Variants in OLFML2A observed in about 807,000 individuals in gnomAD.
OLFML2A encodes the protein olfactomedin-like protein 2A.
In OLFML2A, 47 loss-of-function variants were observed where a neutral mutation model predicts 60.9. The ratio of observed to expected loss-of-function variants is 0.77; its 90% CI spans 0.61 to 0.98. OLFML2A has a LOEUF of 0.98. OLFML2A is among the 50% of genes least tolerant of loss of function. OLFML2A has a pLI of 0.00. For synonymous variants in OLFML2A, 372 were observed against 375.0 expected (o/e 0.99, Z 0.09); for missense variants, 922 against 879.8 (o/e 1.05, Z -0.61).
chr9:124,795,784 C>G (rs961215338), intron 3 of OLFML2A, among the ~76,000 whole-genome samples: 4 of 152,108 alleles, frequency 2.6e-5, no homozygotes, highest in Admixed American at 2.0e-4. Context: ...AATAAGATAC[C>G]TTGTCGGAGT....
chr9:124,783,763 A>C (rs922291898), intron 1 of OLFML2A, among the ~76,000 whole-genome samples: 8 of 152,212 alleles, frequency 5.3e-5, no homozygotes, highest in African/African-American at 1.9e-4. Flanking sequence ...TGTTATGAAG[A>C]CATAGCAGGA....
At chr9:124,785,382 TTTTC>T (rs1247227813) in intron 1 of OLFML2A, among the ~76,000 whole-genome samples, 1 of 145,654 alleles carries the variant, frequency 6.9e-6, no homozygotes, top group East Asian at 2.0e-4. Context: ...TGGATACCCA[TTTTC>T]TTTCTTTTTT....
intron 1 of OLFML2A, among the ~76,000 whole-genome samples, chr9:124,782,184 GA>G (rs1489614362): frequency 6.6e-6 from 1 of 152,250 alleles, no homozygotes; most frequent in African/African-American, 2.4e-5. Flanking sequence ...TGCTCAGGGA[GA>G]AGCCCCTGCC....
rs981921540 is a variant in OLFML2A, at chr9:124,811,907, CT to C, written c.*1496del. 2.6e-5 allele frequency: 4 copies of C among 152,232 alleles called. No individual in the cohort carries two copies. The highest frequency in any genetic ancestry group is 2.6e-4 in the Admixed American group (4 of 15,284). The allele number at this position is 152,232 out of a possible 1,614,324, so 9.4% of individuals were successfully genotyped here. On this transcript the variant is annotated 3_prime_UTR_variant, in exon 8 of 8. Transcript: ENST00000373580. ...GAGCAGCTCAGTGTCACACTGGGAG[CT>C]GGGCACAGCCGATCTCCTTCCAGAA...
chr9:124,794,414 T>C (rs1841625394), intron 2 of OLFML2A, among the ~76,000 whole-genome samples: 1 of 152,196 alleles, frequency 6.6e-6, no homozygotes, highest in South Asian at 2.1e-4. Context: ...CAGTGCCCAC[T>C]ACACACCTCA....
chr9:124,811,079 C>G lies in OLFML2A; in HGVS notation c.*667C>G, dbSNP rs772405875. 6.5e-6 allele frequency: 1 copy of G among 152,958 alleles called. No individual in the cohort carries two copies. Among genetic ancestry groups the G allele is most frequent in the Non-Finnish European group, 1.5e-5 (1 of 68,310 alleles). The allele number at this position is 152,958 out of a possible 1,614,324, so 9.5% of individuals were successfully genotyped here. A position where few individuals can be genotyped will look rare whatever the true frequency, so the allele number is the denominator to read the frequency against. On this transcript the variant is annotated 3_prime_UTR_variant, in exon 8 of 8. Transcript: ENST00000373580. Reference sequence around the variant, plus strand: ...GTCCGGCCACATTCCAAACCTCTACCGTCACCTAGCTGCTGAGCAGAAACC... The same window carrying G: ...GTCCGGCCACATTCCAAACCTCTACGGTCACCTAGCTGCTGAGCAGAAACC...
Position 124,804,257 on chromosome 9 carries a change from C to T in OLFML2A, c.1083C>T (p.Thr361=), listed in dbSNP as rs768336887. ...GCACCCCCACTTCAATCCCTGCCAC[C>T]ACCACCACCGCCACCACCACCCCAA... ...ASGTPTSIPA[T]TTTATTTPTP... is the part of the protein sequence containing the mutation. The change falls in exon 6 of 8, where the codon ACC becomes ACT. Residue 361 remains threonine, a synonymous_variant. Coordinates refer to ENST00000373580, the MANE Select transcript of OLFML2A (RefSeq NM_182487.4). The T allele has an allele frequency of 1.3e-5, 21 of 1,606,500 alleles. No homozygotes were observed. The highest frequency in any genetic ancestry group is 1.7e-5 in the Non-Finnish European group (20 of 1,177,126).
At chr9:124,801,086 G>A in intron 4 of OLFML2A, 1 of 1,546,574 alleles carries the variant, frequency 6.5e-7, no homozygotes, top group Non-Finnish European at 8.7e-7. Flanking sequence ...TGAGCAGGTG[G>A]AGGAGGCTGC....
rs1346659215 is a variant in OLFML2A at position 124,797,170 on chromosome 9, G to A, written c.462+2039G>A. Among the ~76,000 whole-genome samples the A allele has an allele frequency of 4.6e-5, 7 of 152,114 alleles. No homozygotes were observed. The East Asian group carries it at 1.2e-3, about 25-fold the overall frequency. Reference sequence around the variant, plus strand: ...AGTTTTTTGTGTTTTTTGTAGAGATGGGGCTTTACCATGTTGCTCATGCTG... The same window carrying A: ...AGTTTTTTGTGTTTTTTGTAGAGATAGGGCTTTACCATGTTGCTCATGCTG... On this transcript the variant is annotated intron_variant, in intron 3 of 7. Coordinates refer to ENST00000373580, the MANE Select transcript of OLFML2A (RefSeq NM_182487.4).
chr9:124,787,063 C>T lies in OLFML2A; in HGVS notation c.179C>T (p.Ala60Val), dbSNP rs373685229. ...KCIMRPLSKD[A>V]CSRVRSGRAR... ...ATCATGCGGCCCCTGAGCAAGGACG[C>T]GTGTAGCCGAGTGCGCAGTGGGCGG... The change falls in exon 2 of 8, where the codon GCG (alanine) becomes GTG (valine). Residue 60 changes from alanine to valine, a missense_variant. Coordinates refer to ENST00000373580, the MANE Select transcript of OLFML2A (RefSeq NM_182487.4). 9.9e-6 allele frequency: 16 copies of T among 1,613,938 alleles called. No individual in the cohort carries two copies. The Admixed American group carries it at 2.0e-4, about 20-fold the overall frequency.
At chr9:124,789,001 C>G (rs1841529115) in intron 2 of OLFML2A, among the ~76,000 whole-genome samples, 1 of 152,150 alleles carries the variant, frequency 6.6e-6, no homozygotes, top group Non-Finnish European at 1.5e-5. Flanking sequence ...CGTGCAAACA[C>G]AGTTCACTGC....
intron 1 of OLFML2A, among the ~76,000 whole-genome samples, chr9:124,783,447 C>G (rs1841399741): frequency 6.6e-6 from 1 of 152,046 alleles, no homozygotes; most frequent in African/African-American, 2.4e-5. Flanking sequence ...GGTAACAGAG[C>G]AAGACCCTGT....
At position 124,799,306 on chromosome 9, in the gene OLFML2A, C is replaced by T. The variant is rs374500892; in HGVS notation, c.484C>T (p.Arg162Trp). Residue 162 changes from arginine to tryptophan, a missense_variant, in exon 4 of 8, where the codon CGG becomes TGG. Transcript: ENST00000373580. Reference sequence around the variant, plus strand: ...GCAGAGCATCAAGGCCAACCTGAGCCGGGAGAATGAGGTGGTGAAGGACAG... The same window carrying T: ...GCAGAGCATCAAGGCCAACCTGAGCTGGGAGAATGAGGTGGTGAAGGACAG... Reference protein sequence around the residue: ...LEESIKANLSRENEVVKDSVR... With the variant: ...LEESIKANLSWENEVVKDSVR... 1.8e-5 allele frequency: 29 copies of T among 1,611,442 alleles called. No homozygotes were observed. The highest frequency in any genetic ancestry group is 3.3e-5 in the Admixed American group (2 of 59,958).
At chr9:124,785,258 A>G (rs548083063) in intron 1 of OLFML2A, among the ~76,000 whole-genome samples, 47 of 150,436 alleles carry the variant, frequency 3.1e-4, no homozygotes, top group African/African-American at 1.0e-3. Flanking sequence ...CCAGCCCTAC[A>G]TTCCTTTTTA....
chr9:124,798,322 C>T (rs1442915308), intron 3 of OLFML2A, among the ~76,000 whole-genome samples: 1 of 150,164 alleles, frequency 6.7e-6, no homozygotes, highest in Admixed American at 6.6e-5. Context: ...CCCAACATGG[C>T]GAAATCCCGT....
intron 4 of OLFML2A, among the ~76,000 whole-genome samples, chr9:124,800,073 G>C (rs1331391139): frequency 6.6e-6 from 1 of 152,242 alleles, no homozygotes; most frequent in Non-Finnish European, 1.5e-5. Context: ...ACACCTGCGT[G>C]CAAATGTGAT....
At chr9:124,808,824 T>G in intron 7 of OLFML2A, among the ~76,000 whole-genome samples, 1 of 149,718 alleles carries the variant, frequency 6.7e-6, no homozygotes, top group African/African-American at 2.5e-5. Context: ...GATAAAGGAG[T>G]TTGGACTTAA....
chr9:124,778,616 G>A (rs1485097525), intron 1 of OLFML2A, among the ~76,000 whole-genome samples: 3 of 102,556 alleles, frequency 2.9e-5, no homozygotes, highest in East Asian at 2.8e-4. Flanking sequence ...GTGAGACCCC[G>A]TCTCTATAAA....
At position 124,786,879 on chromosome 9, in the gene OLFML2A, TG is replaced by T. The variant is rs1235146830; in HGVS notation, c.91-94del. The T allele has an allele frequency of 8.2e-6, 11 of 1,336,286 alleles. No homozygotes were observed. In the African/African-American group the frequency reaches 1.4e-4, roughly 17 times the overall value. The allele number at this position is 1,336,286 out of a possible 1,614,324, so 82.8% of individuals were successfully genotyped here. A position where few individuals can be genotyped will look rare whatever the true frequency, so the allele number is the denominator to read the frequency against. ...CTGCCAAACACTCTCATCCCAAGGC[TG>T]GCTGGCCAGCTGGCTTCTGCCATCT... is the stretch of plus-strand genomic sequence containing the variant. On this transcript the variant is annotated intron_variant, in intron 1 of 7. Coordinates refer to ENST00000373580, the MANE Select transcript of OLFML2A (RefSeq NM_182487.4).
Sources: allele counts gnomAD v4.1 joint callset (sites outside exome capture counted in the v4.1 genomes callset), GRCh38; gene constraint gnomAD v4.1.1; transcripts MANE v1.5; gene names NCBI Gene and HGNC (gene_info 2026-07-23, HGNC 2026-07-21).